Variants in ANKS1B observed in about 807,000 individuals in gnomAD.
The protein encoded by ANKS1B is ankyrin repeat and sterile alpha motif domain-containing protein 1B.
Under a neutral mutation model 148.3 loss-of-function variants are expected in ANKS1B, and 36 were observed. The observed-to-expected ratio is 0.24, with a 90% CI of 0.19 to 0.32. The LOEUF is 0.32. Among genes scored for constraint, ANKS1B ranks in the 10% least tolerant of loss-of-function variants. ANKS1B has a pLI of 1.00. For synonymous variants in ANKS1B, 542 were observed against 560.8 expected, an observed-to-expected ratio of 0.97 and a Z score of 0.47; for missense variants, 1,157 against 1,542.6, an observed-to-expected ratio of 0.75 and a Z score of 4.19.
At chr12:99,321,531 G>A (rs1200309452) in intron 12 of ANKS1B, among the ~76,000 whole-genome samples, 1 of 152,242 alleles carries the variant, frequency 6.6e-6, no homozygotes, top group African/African-American at 2.4e-5. Context: ...CTACTGGTGT[G>A]CTGTTTGCTA....
intron 9 of ANKS1B, among the ~76,000 whole-genome samples, chr12:99,563,821 C>T (rs895915778): frequency 3.3e-5 from 5 of 152,076 alleles, no homozygotes; most frequent in African/African-American, 1.2e-4. Flanking sequence ...GGATATCTTT[C>T]CCACCCACTT....
At chr12:99,876,062 G>A (rs944925643) in intron 1 of ANKS1B, among the ~76,000 whole-genome samples, 3 of 152,126 alleles carry the variant, frequency 2.0e-5, no homozygotes, top group South Asian at 2.1e-4. Flanking sequence ...AAACTGCTTC[G>A]ATTGAGGTAG....
intron 19 of ANKS1B, among the ~76,000 whole-genome samples, chr12:98,822,510 C>T (rs2099205618): frequency 6.6e-6 from 1 of 152,202 alleles, no homozygotes; most frequent in African/African-American, 2.4e-5. Context: ...GCCCAAGGCA[C>T]CACTAAATAT....
At chr12:98,918,706 G>A (rs1222968922) in intron 17 of ANKS1B, among the ~76,000 whole-genome samples, 1 of 152,172 alleles carries the variant, frequency 6.6e-6, no homozygotes, top group African/African-American at 2.4e-5. Flanking sequence ...TTATATGAGT[G>A]AGTCTACTTT....
intron 14 of ANKS1B, among the ~76,000 whole-genome samples, chr12:99,186,562 G>C (rs1003706538): frequency 6.6e-6 from 1 of 152,204 alleles, no homozygotes. Flanking sequence ...AGTCTTTGCT[G>C]TTCTGCAGCC....
intron 9 of ANKS1B, among the ~76,000 whole-genome samples, chr12:99,586,544 T>C (rs574126274): frequency 1.6e-4 from 25 of 152,338 alleles, no homozygotes; most frequent in African/African-American, 5.1e-4. Context: ...CCCTCCAAAC[T>C]GTTCCAACCT....
intron 9 of ANKS1B, among the ~76,000 whole-genome samples, chr12:99,623,129 A>T (rs967373118): frequency 2.6e-5 from 4 of 152,078 alleles, no homozygotes; most frequent in African/African-American, 7.2e-5. Flanking sequence ...TTCACCACAC[A>T]AACAGAATTA....
At chr12:98,999,844 T>C (rs1412457087) in intron 17 of ANKS1B, among the ~76,000 whole-genome samples, 2 of 152,178 alleles carry the variant, frequency 1.3e-5, no homozygotes, top group Non-Finnish European at 2.9e-5. Context: ...ACGCAGTGGC[T>C]ACAACTGCTT....
intron 19 of ANKS1B, among the ~76,000 whole-genome samples, chr12:98,811,523 T>C (rs952529102): frequency 6.6e-6 from 1 of 152,126 alleles, no homozygotes; most frequent in Non-Finnish European, 1.5e-5. Context: ...AGGCCAGTTT[T>C]CCCTCCTGCA....
At chr12:99,928,281 T>C (rs557922642) in intron 1 of ANKS1B, among the ~76,000 whole-genome samples, 1 of 146,948 alleles carries the variant, frequency 6.8e-6, no homozygotes, top group South Asian at 2.1e-4. Flanking sequence ...ATTTTTTTTT[T>C]TTTTTTTTGA....
At chr12:99,048,900 A>G (rs1238430884) in intron 17 of ANKS1B, 1 of 152,272 alleles carries the variant, frequency 6.6e-6, no homozygotes, top group African/African-American at 2.4e-5. Context: ...TGCCTGGAAA[A>G]GTCTAAAGCT....
intron 19 of ANKS1B, among the ~76,000 whole-genome samples, chr12:98,810,719 G>A (rs1360671463): frequency 6.6e-6 from 1 of 152,210 alleles, no homozygotes; most frequent in Non-Finnish European, 1.5e-5. Context: ...AAGGGGCCAT[G>A]CCCAGTCTGC....
intron 9 of ANKS1B, among the ~76,000 whole-genome samples, chr12:99,543,450 C>T (rs542569310): frequency 6.6e-6 from 1 of 152,176 alleles, no homozygotes; most frequent in South Asian, 2.1e-4. Flanking sequence ...TACCATATGA[C>T]TCCAATATTC....
At chr12:99,560,071 A>G (rs1017949165) in intron 9 of ANKS1B, among the ~76,000 whole-genome samples, 3 of 152,186 alleles carry the variant, frequency 2.0e-5, no homozygotes, top group African/African-American at 7.2e-5. Flanking sequence ...AACAGTATGA[A>G]GCATTCAGTA....
intron 1 of ANKS1B, among the ~76,000 whole-genome samples, chr12:99,906,577 T>C (rs1264679140): frequency 6.6e-6 from 1 of 152,192 alleles, no homozygotes; most frequent in Non-Finnish European, 1.5e-5. Context: ...CATCTCATCT[T>C]CTTCTCCTTT....
rs372072396 is a variant in ANKS1B at position 99,219,741 on chromosome 12, G to T, written c.2419+24601C>A. Among the ~76,000 whole-genome samples, 54 of 152,310 alleles carry T rather than the reference G, an allele frequency of 3.5e-4. No homozygotes were observed. The East Asian group carries it at 0.01, about 28-fold the overall frequency. ...GTCTCTGAAGTCCCAGGGGTGTGCT[G>T]GGATCTTCCACCCACTCAGAAAGCC... On this transcript the variant is annotated intron_variant, in intron 14 of 26. Transcript: ENST00000683438.
chr12:99,403,445 C>T (rs2094459980), intron 11 of ANKS1B, among the ~76,000 whole-genome samples: 1 of 142,318 alleles, frequency 7.0e-6, no homozygotes, highest in South Asian at 2.1e-4. Flanking sequence ...GCGTGAACGA[C>T]CATACCCAGC....
chr12:99,589,806 A>C (rs1205753449), intron 9 of ANKS1B, among the ~76,000 whole-genome samples: 1 of 152,194 alleles, frequency 6.6e-6, no homozygotes, highest in African/African-American at 2.4e-5. Context: ...TTTCAAGATA[A>C]TAAAAAGAGT....
chr12:99,513,593 A>T (rs1161535644), intron 9 of ANKS1B, among the ~76,000 whole-genome samples: 2 of 152,082 alleles, frequency 1.3e-5, no homozygotes, highest in Non-Finnish European at 2.9e-5. Context: ...CCCTATCAGT[A>T]ATCAATACTT....
Sources: allele counts gnomAD v4.1 joint callset (sites outside exome capture counted in the v4.1 genomes callset), GRCh38; gene constraint gnomAD v4.1.1; transcripts MANE v1.5; gene names NCBI Gene and HGNC (gene_info 2026-07-23, HGNC 2026-07-21).